The following FGGY variants were observed in gnomAD, a reference collection of about 807,000 sequenced individuals.
The protein encoded by FGGY is FGGY carbohydrate kinase domain-containing protein.
FGGY carries 72 observed loss-of-function variants against 71.3 expected under a neutral mutation model. That is an observed-to-expected ratio of 1.01 (90% CI 0.84 to 1.23). FGGY has a LOEUF of 1.23. FGGY is among the 50% of genes most tolerant of loss of function. FGGY has a pLI of 0.00. For missense variants in FGGY, 668 were observed against 682.3 expected (o/e 0.98, Z 0.23); for synonymous variants, 251 against 250.3 (o/e 1.00, Z -0.02).
At chr1:59,299,630 C>T (rs2042448116) in intron 1 of FGGY, among the ~76,000 whole-genome samples, 1 of 143,344 alleles carries the variant, frequency 7.0e-6, no homozygotes, top group South Asian at 2.3e-4. Context: ...CTCAGCAAGG[C>T]CATTTACTTC....
At chr1:59,476,668 C>T (rs974478872) in intron 6 of FGGY, among the ~76,000 whole-genome samples, 3 of 152,270 alleles carry the variant, frequency 2.0e-5, no homozygotes, top group Non-Finnish European at 2.9e-5. Flanking sequence ...ATTTGAGAAG[C>T]AGTTGAGCAG....
At chr1:59,371,122 A>G (rs1390666680) in intron 4 of FGGY, among the ~76,000 whole-genome samples, 4 of 152,212 alleles carry the variant, frequency 2.6e-5, no homozygotes, top group African/African-American at 9.7e-5. Flanking sequence ...AAGTTGGATA[A>G]AGAGTCAAGA....
At chr1:59,665,406 C>A (rs1170921215) in intron 12 of FGGY, among the ~76,000 whole-genome samples, 1 of 152,162 alleles carries the variant, frequency 6.6e-6, no homozygotes, top group Non-Finnish European at 1.5e-5. Context: ...TGAATAGCTT[C>A]AACAAACCCT....
intron 5 of FGGY, among the ~76,000 whole-genome samples, chr1:59,426,715 C>T (rs1401193831): frequency 6.6e-6 from 1 of 152,066 alleles, no homozygotes; most frequent in African/African-American, 2.4e-5. Context: ...TTTACTTTTG[C>T]TCCATGAAGT....
intron 5 of FGGY, among the ~76,000 whole-genome samples, chr1:59,406,746 C>T (rs1388333248): frequency 2.0e-5 from 3 of 152,158 alleles, no homozygotes; most frequent in African/African-American, 7.2e-5. Flanking sequence ...ATAAGGTCAG[C>T]CATGTATCTT....
chr1:59,549,347 C>T (rs1370477755), intron 7 of FGGY, among the ~76,000 whole-genome samples: 1 of 152,156 alleles, frequency 6.6e-6, no homozygotes, highest in African/African-American at 2.4e-5. Context: ...TGTTCAAAAC[C>T]CTTCTTATCC....
intron 1 of FGGY, among the ~76,000 whole-genome samples, chr1:59,314,653 T>C (rs922643391): frequency 1.3e-5 from 2 of 152,168 alleles, no homozygotes; most frequent in African/African-American, 4.8e-5. Context: ...GTGACCCTGA[T>C]ATTGATTTAT....
chr1:59,638,279 G>A lies in FGGY; in HGVS notation c.1125G>A (p.Lys375=). ...YLNSHLDLIK[K]AQPVGFLTVD... is the part of the protein sequence containing the mutation. ...ACAGTCACCTGGATCTGATTAAGAA[G>A]GCTCAGCCTGTGGGTTTCCTTACTG... Residue 375 remains lysine, a synonymous_variant, in exon 11 of 16, where the codon AAG becomes AAA. Coordinates refer to ENST00000303721, the MANE Select transcript of FGGY (RefSeq NM_018291.5). 1 of 1,614,188 alleles carries A rather than the reference G, an allele frequency of 6.2e-7. No homozygotes were observed. The highest frequency in any genetic ancestry group is 1.1e-5 in the South Asian group (1 of 91,084).
chr1:59,692,369 G>A (rs187551840), intron 14 of FGGY, among the ~76,000 whole-genome samples: 24 of 152,220 alleles, frequency 1.6e-4, no homozygotes, highest in African/African-American at 3.9e-4. Context: ...TACTCTGCCC[G>A]TTAGGCTTTC....
At chr1:59,452,627 T>A (rs185663022) in intron 5 of FGGY, among the ~76,000 whole-genome samples, 61 of 152,360 alleles carry the variant, frequency 4.0e-4, no homozygotes, top group African/African-American at 1.4e-3. Flanking sequence ...TAAATGCTAT[T>A]TTGACTTTCA....
intron 9 of FGGY, among the ~76,000 whole-genome samples, chr1:59,613,031 C>A (rs951770921): frequency 6.6e-5 from 10 of 152,176 alleles, no homozygotes; most frequent in Non-Finnish European, 1.3e-4. Flanking sequence ...GACTTAGACT[C>A]CCACACAATA....
intron 6 of FGGY, among the ~76,000 whole-genome samples, chr1:59,458,060 C>G (rs1364448701): frequency 6.6e-6 from 1 of 152,196 alleles, no homozygotes; most frequent in Non-Finnish European, 1.5e-5. Flanking sequence ...AATGGTAAGT[C>G]AGGATCGAAA....
chr1:59,622,403 T>C (rs897407418), intron 9 of FGGY, among the ~76,000 whole-genome samples: 1 of 152,164 alleles, frequency 6.6e-6, no homozygotes, highest in East Asian at 1.9e-4. Flanking sequence ...TGATATATTC[T>C]AGAGACACTG....
At chr1:59,394,927 T>C (rs2061148227) in intron 5 of FGGY, among the ~76,000 whole-genome samples, 1 of 152,072 alleles carries the variant, frequency 6.6e-6, no homozygotes, top group South Asian at 2.1e-4. Flanking sequence ...GGCCTTTTCA[T>C]GTCTTCTTGA....
chr1:59,703,166 A>T (rs2097724360), intron 14 of FGGY, among the ~76,000 whole-genome samples: 1 of 152,186 alleles, frequency 6.6e-6, no homozygotes, highest in South Asian at 2.1e-4. Flanking sequence ...ATTTGTCATA[A>T]TTATTCCTGC....
At chr1:59,712,033 G>T (rs760468885) in intron 14 of FGGY, among the ~76,000 whole-genome samples, 2 of 152,180 alleles carry the variant, frequency 1.3e-5, no homozygotes. Flanking sequence ...TTCTGCCTAT[G>T]AGCATGTAAA....
chr1:59,571,423 C>T (rs1158230613), intron 8 of FGGY, among the ~76,000 whole-genome samples: 3 of 152,170 alleles, frequency 2.0e-5, no homozygotes, highest in Non-Finnish European at 4.4e-5. Flanking sequence ...GAATACTCAG[C>T]AAACAATTAC....
intron 7 of FGGY, among the ~76,000 whole-genome samples, chr1:59,530,155 T>C (rs891000441): frequency 6.6e-6 from 1 of 152,080 alleles, no homozygotes; most frequent in Non-Finnish European, 1.5e-5. Context: ...CCGTAAATCC[T>C]GAAGTTAAAT....
chr1:59,306,928 T>G (rs953695895), intron 1 of FGGY, among the ~76,000 whole-genome samples: 1 of 152,206 alleles, frequency 6.6e-6, no homozygotes, highest in Non-Finnish European at 1.5e-5. Context: ...GCTTGGATTC[T>G]GCTAAACAGG....
Sources: allele counts gnomAD v4.1 joint callset (sites outside exome capture counted in the v4.1 genomes callset), GRCh38; gene constraint gnomAD v4.1.1; transcripts MANE v1.5; gene names NCBI Gene and HGNC (gene_info 2026-07-23, HGNC 2026-07-21).